The following ANKFY1 variants were observed in gnomAD, a reference collection of about 807,000 sequenced individuals.
The protein encoded by ANKFY1 is ankyrin repeat and FYVE domain-containing protein 1.
A neutral mutation model predicts 128.3 loss-of-function variants in ANKFY1; 47 were observed. The observed-to-expected ratio is 0.37, with a 90% CI of 0.29 to 0.47. ANKFY1 has a LOEUF of 0.47. Ranked by LOEUF, ANKFY1 falls within the 20% of genes least tolerant of loss-of-function variation. ANKFY1 has a pLI of 1.00. For missense variants in ANKFY1, 1,222 were observed against 1,510.6 expected (o/e 0.81, Z 3.17); for synonymous variants, 553 against 601.6 (o/e 0.92, Z 1.18).
At chr17:4,183,033 T>G (rs1297406832) in intron 14 of ANKFY1, among the ~76,000 whole-genome samples, 1 of 152,084 alleles carries the variant, frequency 6.6e-6, no homozygotes. Context: ...TTGAACCCAG[T>G]AGGTGGAGGC....
Position 4,169,224 on chromosome 17 carries a change from G to A in ANKFY1, c.3351C>T (p.Phe1117=), listed in dbSNP as rs1289947367. Reference sequence around the variant, plus strand: ...AGTGGTGTTTGCGAGTGGTGACTCCGAACCTGGCAGTGCACTCATAGCAGT... The same window carrying A: ...AGTGGTGTTTGCGAGTGGTGACTCCAAACCTGGCAGTGCACTCATAGCAGT... ...GSYCYECTAR[F]GVTTRKHHCR... The change falls in exon 24 of 25, where the codon TTC becomes TTT. Residue 1117 remains phenylalanine, a synonymous_variant. Transcript: ENST00000341657. This position sits in a 1 kb window ranked among gnomAD's most constrained non-coding sequence, Gnocchi z 5.0. 17 of 1,552,686 alleles carry A rather than the reference G, an allele frequency of 1.1e-5. No individual in the cohort carries two copies. The highest frequency in any genetic ancestry group is 2.4e-5 in the South Asian group (2 of 84,140).
Position 4,164,190 on chromosome 17 carries a change from A to C in ANKFY1, c.*3589T>G, listed in dbSNP as rs957663152. 9.8e-5 allele frequency: 15 copies of C among 152,618 alleles called. No homozygotes were observed. Among genetic ancestry groups the C allele is most frequent in the Admixed American group, 9.8e-4 (15 of 15,288 alleles). The allele number at this position is 152,618 out of a possible 1,614,324, so 9.5% of individuals were successfully genotyped here. On this transcript the variant is annotated 3_prime_UTR_variant, in exon 25 of 25. Transcript: ENST00000341657. The stretch of plus-strand genomic sequence containing the variant: ...TCCACACATCTGCCAAAAAAGAGCA[A>C]GTCATCAAGGCGAGCAGTCTCGACT...
At chr17:4,223,582 T>G in intron 3 of ANKFY1, 4 of 1,257,292 alleles carry the variant, frequency 3.2e-6, no homozygotes, top group Non-Finnish European at 4.7e-6. Flanking sequence ...TAGTGATGTG[T>G]GGGGCCTTTG....
intron 1 of ANKFY1, among the ~76,000 whole-genome samples, chr17:4,253,840 A>G (rs544478517): frequency 6.6e-6 from 1 of 152,298 alleles, no homozygotes; most frequent in Admixed American, 6.5e-5. Flanking sequence ...AATAAACTAC[A>G]CGACTTTACC....
chr17:4,233,973 A>G (rs890970088), intron 3 of ANKFY1, among the ~76,000 whole-genome samples: 1 of 152,232 alleles, frequency 6.6e-6, no homozygotes, highest in Admixed American at 6.5e-5. Context: ...TGCAGATACG[A>G]TGATGGTCCC....
In ANKFY1 at chr17:4,183,869, C is replaced by T. The variant is rs2143005094; in HGVS notation, c.1741G>A (p.Asp581Asn). 6.2e-7 allele frequency: 1 copy of T among 1,614,040 alleles called. No individual in the cohort carries two copies. Among genetic ancestry groups the T allele is most frequent in the Non-Finnish European group, 8.5e-7 (1 of 1,179,896 alleles). ...HATNNLQIIP[D>N]FSLKDSRDQT... ...TCTCGGGAATCTTTGAGGCTGAAGTCCGGAATGATCTGCAAGTTGTTGGTG... is the reference window on the plus strand; with the variant it reads ...TCTCGGGAATCTTTGAGGCTGAAGTTCGGAATGATCTGCAAGTTGTTGGTG... The change falls in exon 13 of 25, where the codon GAC becomes AAC. Residue 581 changes from aspartate to asparagine, a missense_variant. Transcript: ENST00000341657.
chr17:4,228,189 A>G (rs2060456672), intron 3 of ANKFY1, among the ~76,000 whole-genome samples: 1 of 152,294 alleles, frequency 6.6e-6, no homozygotes, highest in South Asian at 2.1e-4. Context: ...AAAGCAACAT[A>G]CTAAGGTGTG....
rs542710917 is a variant in ANKFY1, at chr17:4,182,075, T to C, written c.2121+106A>G. 3 of 1,161,568 alleles carry C rather than the reference T, an allele frequency of 2.6e-6. No individual in the cohort carries two copies. The South Asian group carries it at 9.3e-5, about 36-fold the overall frequency. 72.0% of individuals were successfully genotyped at this position (1,161,568 alleles called of 1,614,324 possible). On this transcript the variant is annotated intron_variant, in intron 15 of 24. Transcript: ENST00000341657. ...AACTGCTTGTCCTTGTCCCACTATG[T>C]TACTTGACAGATCTTGCTCCTGTGA...
At chr17:4,193,546 GC>G (rs2059757070) in intron 10 of ANKFY1, among the ~76,000 whole-genome samples, 1 of 146,914 alleles carries the variant, frequency 6.8e-6, no homozygotes, top group Non-Finnish European at 1.5e-5. Context: ...TTCCACCTCA[GC>G]CCCCCAAGTA....
Position 4,183,520 on chromosome 17 carries a change from G to T in ANKFY1, c.1830C>A (p.Gly610=). 2 of 1,612,798 alleles carry T rather than the reference G, an allele frequency of 1.2e-6. No homozygotes were observed. Among genetic ancestry groups the T allele is most frequent in the Non-Finnish European group, 1.7e-6 (2 of 1,180,024 alleles). The change falls in exon 14 of 25, where the codon GGC becomes GGA. Residue 610 remains glycine (G), a synonymous_variant. Coordinates refer to ENST00000341657, the MANE Select transcript of ANKFY1 (RefSeq NM_001330063.2). ...GMHTIAAQLL[G]SGAAINDTMS... ...TGGTGTCATTGATGGCGGCTCCAGA[G>T]CCCAGCAGCTGGGCTGCGATCGTGT...
rs2060091499 is a variant in ANKFY1 at position 4,209,661 on chromosome 17, GA to G, written c.582+162del. On this transcript the variant is annotated intron_variant, in intron 5 of 24. Transcript: ENST00000341657. ...TCACAGAACTACCAGAATTTGAGTT[GA>G]AAAGAGTCTCATAGATCATCTAATC... Among the ~76,000 whole-genome samples the G allele has an allele frequency of 2.6e-5, 4 of 152,310 alleles. No individual in the cohort carries two copies. In the South Asian group the frequency reaches 8.3e-4, roughly 32 times the overall value.
intron 23 of ANKFY1, among the ~76,000 whole-genome samples, 163 bp downstream of exon 23, chr17:4,170,552 A>G (rs1311666043): frequency 6.6e-6 from 1 of 152,204 alleles, no homozygotes; most frequent in African/African-American, 2.4e-5. Flanking sequence ...CAACACGCTC[A>G]AAAGTCCTTC....
At chr17:4,172,977 A>G (rs2059349074) in intron 21 of ANKFY1, among the ~76,000 whole-genome samples, 1 of 152,188 alleles carries the variant, frequency 6.6e-6, no homozygotes, top group Non-Finnish European at 1.5e-5. Context: ...CTCCTGCCTC[A>G]GCCTGAGTAT....
rs376899671 is a variant in ANKFY1 at position 4,174,074 on chromosome 17, A to G, written c.2776-18T>C. The stretch of plus-strand genomic sequence containing the variant: ...GCAAGAAGCTGTTGAAGTTCATTAC[A>G]TGAACAGTCAGTCTCTCTGCCACAA... On this transcript the variant is annotated intron_variant, in intron 19 of 24. Coordinates refer to ENST00000341657, the MANE Select transcript of ANKFY1 (RefSeq NM_001330063.2). 8.1e-6 allele frequency: 13 copies of G among 1,612,108 alleles called. No individual in the cohort carries two copies. The highest frequency in any genetic ancestry group is 1.7e-4 in the Middle Eastern group (1 of 5,888).
chr17:4,167,870 T>C lies in ANKFY1; in HGVS notation c.3419A>G (p.Lys1140Arg). Residue 1140 changes from lysine (K) to arginine (R), a missense_variant, in exon 25 of 25, where the codon AAG (lysine) becomes AGG (arginine). Physicochemically the swap from Lys to Arg is conservative, Grantham distance 26. Transcript: ENST00000341657. The surrounding 1 kb of genome is among the most constrained non-coding windows in gnomAD (Gnocchi z 4.1). ...GRLLCHKCSTKEIPIIKFDLN... is the reference protein window; with the variant it reads ...GRLLCHKCSTREIPIIKFDLN... Reference sequence around the variant, plus strand: ...ATCAAACTTTATAATAGGAATCTCCTTGGTCGAGCATTTATGGCAAAGAAG... The same window carrying C: ...ATCAAACTTTATAATAGGAATCTCCCTGGTCGAGCATTTATGGCAAAGAAG... 1.2e-6 allele frequency: 2 copies of C among 1,614,036 alleles called. No individual in the cohort carries two copies. The highest frequency in any genetic ancestry group is 1.7e-6 in the Non-Finnish European group (2 of 1,179,938).
At chr17:4,239,331 CA>C (rs1031518553) in intron 2 of ANKFY1, among the ~76,000 whole-genome samples, 1 of 151,956 alleles carries the variant, frequency 6.6e-6, no homozygotes, top group African/African-American at 2.4e-5. Flanking sequence ...CAGTAAGAAA[CA>C]AAGTTTTCAC....
intron 3 of ANKFY1, chr17:4,223,465 C>G: frequency 8.4e-7 from 1 of 1,193,332 alleles, no homozygotes; most frequent in Non-Finnish European, 1.3e-6. Flanking sequence ...AAGTTAAGAT[C>G]ACAGACAATG....
rs759455187 is a variant in ANKFY1 at position 4,182,384 on chromosome 17, G to C, written c.1953-35C>G. The C allele has an allele frequency of 4.0e-6, 6 of 1,484,726 alleles. No individual in the cohort carries two copies. The East Asian group carries it at 1.5e-4, about 36-fold the overall frequency. 92.0% of individuals were successfully genotyped at this position (1,484,726 alleles called of 1,614,324 possible). A position where few individuals can be genotyped will look rare whatever the true frequency, so the allele number is the denominator to read the frequency against. On this transcript the variant is annotated intron_variant, in intron 14 of 24. Coordinates refer to ENST00000341657, the MANE Select transcript of ANKFY1 (RefSeq NM_001330063.2). ...CATGCACACCCAAACCAACGTTTGT[G>C]GTTGAACCCAAAGCACAGAAGGTGC...
At chr17:4,258,451 G>A (rs1968239172) in intron 1 of ANKFY1, among the ~76,000 whole-genome samples, 1 of 151,752 alleles carries the variant, frequency 6.6e-6, no homozygotes, top group South Asian at 2.1e-4. Context: ...TGTGAACCTG[G>A]GAGGGGAGCT....
Sources: allele counts gnomAD v4.1 joint callset (sites outside exome capture counted in the v4.1 genomes callset), GRCh38; gene constraint gnomAD v4.1.1; non-coding constraint Gnocchi (gnomAD v3.1); transcripts MANE v1.5; gene names NCBI Gene and HGNC (gene_info 2026-07-23, HGNC 2026-07-21).